ERBB4: variants seen among roughly 807,000 people sequenced by gnomAD.
ERBB4 encodes the protein receptor tyrosine-protein kinase erbB-4.
A neutral mutation model predicts 158.0 loss-of-function variants in ERBB4; 42 were observed. The observed-to-expected ratio is 0.27, with a 90% CI of 0.21 to 0.34. The LOEUF is 0.34. Ranked by LOEUF, ERBB4 falls within the 10% of genes least tolerant of loss-of-function variation. The pLI is 1.00. For missense variants in ERBB4, 1,333 were observed against 1,624.1 expected, an observed-to-expected ratio of 0.82 and a Z score of 3.08; for synonymous variants, 583 against 558.7, an observed-to-expected ratio of 1.04 and a Z score of -0.61.
At chr2:211,739,489 G>A (rs1054834405) in intron 5 of ERBB4, among the ~76,000 whole-genome samples, 1 of 152,108 alleles carries the variant, frequency 6.6e-6, no homozygotes. Context: ...TTTTGAGACA[G>A]AGTCTCGCTC....
chr2:212,537,020 T>C (rs1309005763), intron 1 of ERBB4, among the ~76,000 whole-genome samples: 1 of 152,020 alleles, frequency 6.6e-6, no homozygotes, highest in African/African-American at 2.4e-5. Context: ...GCGTGAAGAA[T>C]TTCGGAGTAA....
chr2:212,344,452 T>C (rs2088876995), intron 1 of ERBB4, among the ~76,000 whole-genome samples: 1 of 149,272 alleles, frequency 6.7e-6, no homozygotes, highest in South Asian at 2.2e-4. Flanking sequence ...CAAAGATAGC[T>C]ACCATATATA....
chr2:211,600,883 GA>G (rs1178006969), intron 19 of ERBB4, among the ~76,000 whole-genome samples: 1 of 152,032 alleles, frequency 6.6e-6, no homozygotes, highest in African/African-American at 2.4e-5. Flanking sequence ...TTTCTCTCTG[GA>G]AAGAGAGAAA....
intron 1 of ERBB4, among the ~76,000 whole-genome samples, chr2:212,162,981 C>A (rs2081246493): frequency 6.6e-6 from 1 of 151,906 alleles, no homozygotes; most frequent in African/African-American, 2.4e-5. Context: ...CATTTGAGAA[C>A]AGGAATGCCA....
At chr2:212,424,627 A>C (rs1240657806) in intron 1 of ERBB4, among the ~76,000 whole-genome samples, 1 of 152,152 alleles carries the variant, frequency 6.6e-6, no homozygotes, top group Non-Finnish European at 1.5e-5. Context: ...TTACTGGAGC[A>C]ATGAATTGAC....
intron 20 of ERBB4, among the ~76,000 whole-genome samples, chr2:211,496,404 A>C (rs966735485): frequency 1.3e-5 from 2 of 152,048 alleles, no homozygotes; most frequent in Non-Finnish European, 2.9e-5. Context: ...CTGCCAAATC[A>C]GGCTATGCAC....
In ERBB4 at chr2:211,913,619, A is replaced by ATGTGTGTGTGTGTG. The variant is rs34762084; in HGVS notation, c.421+33797_421+33810dup. Among the ~76,000 whole-genome samples, 102 of 132,806 alleles carry ATGTGTGTGTGTGTG rather than the reference A, an allele frequency of 7.7e-4. 1 individual carries two copies. The highest frequency in any genetic ancestry group is 2.8e-3 in the African/African-American group (96 of 34,768). 87.1% of individuals were successfully genotyped at this position (132,806 alleles called of 152,430 possible). A position where few individuals can be genotyped will look rare whatever the true frequency, so the allele number is the denominator to read the frequency against. ...CTATTTCAAAAAAATATATATATAT[A>ATGTGTGTGTGTGTG]TGTGTGTGTGTGTGTGTGTGTGTGT... On this transcript the variant is annotated intron_variant, in intron 3 of 27. Transcript: ENST00000342788.
chr2:211,662,310 T>C (rs1006152911), intron 15 of ERBB4, among the ~76,000 whole-genome samples: 1 of 152,050 alleles, frequency 6.6e-6, no homozygotes. Flanking sequence ...CACAATTTAA[T>C]TACATTGGTT....
chr2:212,000,185 TATTC>T (rs1445312567), intron 2 of ERBB4, among the ~76,000 whole-genome samples: 1 of 151,832 alleles, frequency 6.6e-6, no homozygotes, highest in African/African-American at 2.4e-5. Context: ...ATTATTTTGA[TATTC>T]ATCAATATTG....
chr2:211,705,386 G>C lies in ERBB4; in HGVS notation c.1130C>G (p.Pro377Arg), dbSNP rs750910473. The C allele has an allele frequency of 8.7e-6, 14 of 1,608,428 alleles. No individual in the cohort carries two copies. The highest frequency in any genetic ancestry group is 1.2e-5 in the Non-Finnish European group (14 of 1,174,942). ...GTCTATGGCTTCAATTGCATTGTAAGGGTCCCTAGAAAATCAAGAAGAGAT... is the reference window on the plus strand; with the variant it reads ...GTCTATGGCTTCAATTGCATTGTAACGGTCCCTAGAAAATCAAGAAGAGAT... The part of the protein sequence containing the change: ...IFLVTGIHGD[P>R]YNAIEAIDPE... Residue 377 changes from proline to arginine, a missense_variant, in exon 10 of 28, where the codon CCT becomes CGT. Around this residue, in one of 5 missense-constraint regions of ERBB4, gnomAD observed 438 missense variants for 586.9 expected, o/e 0.75. Transcript: ENST00000342788.
chr2:211,636,807 ATGAAATC>A (rs1171772268), intron 16 of ERBB4, among the ~76,000 whole-genome samples: 3 of 151,982 alleles, frequency 2.0e-5, no homozygotes, highest in African/African-American at 7.2e-5. Context: ...GAATAATTCT[ATGAAATC>A]TGACATCTTC....
intron 3 of ERBB4, among the ~76,000 whole-genome samples, chr2:211,798,871 A>G (rs1203866356): frequency 4.6e-5 from 7 of 152,182 alleles, no homozygotes. Flanking sequence ...AAGATCATAA[A>G]TTCTATAACT....
chr2:212,471,972 ATACT>A, intron 1 of ERBB4, among the ~76,000 whole-genome samples: 1 of 151,848 alleles, frequency 6.6e-6, no homozygotes, highest in African/African-American at 2.4e-5. Flanking sequence ...AAACTCTCTC[ATACT>A]TAAGTAAGTA....
chr2:212,213,309 A>G (rs2082996210), intron 1 of ERBB4, among the ~76,000 whole-genome samples: 1 of 152,136 alleles, frequency 6.6e-6, no homozygotes, highest in African/African-American at 2.4e-5. Context: ...AACGTATGAA[A>G]GAAAGCTCAA....
chr2:211,843,414 T>TGC (rs1218230491), intron 3 of ERBB4, among the ~76,000 whole-genome samples: 14 of 114,594 alleles, frequency 1.2e-4, no homozygotes, highest in East Asian at 3.5e-4. Context: ...TGCGTGCGTG[T>TGC]GCACACACAC....
At chr2:211,605,854 C>T (rs1374820932) in intron 19 of ERBB4, among the ~76,000 whole-genome samples, 3 of 152,054 alleles carry the variant, frequency 2.0e-5, no homozygotes, top group Non-Finnish European at 4.4e-5. Flanking sequence ...AAACCAGATT[C>T]GCTGGGCTCC....
chr2:212,056,365 T>C lies in ERBB4; in HGVS notation c.234+68387A>G, dbSNP rs183764095. ...TTGGAAAACACTCTGCAGGGTATTA[T>C]CCAGGAGAACTTCCCCAACCTAGCA... On this transcript the variant is annotated intron_variant, in intron 2 of 27. Coordinates refer to ENST00000342788, the MANE Select transcript of ERBB4 (RefSeq NM_005235.3). Among the ~76,000 whole-genome samples, 547 of 152,262 alleles carry C rather than the reference T, an allele frequency of 3.6e-3. 2 individuals carry two copies. The highest frequency in any genetic ancestry group is 0.013 in the African/African-American group (520 of 41,546).
At chr2:211,772,369 C>T (rs542754242) in intron 4 of ERBB4, among the ~76,000 whole-genome samples, 2 of 152,084 alleles carry the variant, frequency 1.3e-5, no homozygotes, top group African/African-American at 2.4e-5. Context: ...AAGGGATCCA[C>T]ACCATATTCT....
intron 15 of ERBB4, among the ~76,000 whole-genome samples, chr2:211,659,814 G>A (rs1237628593): frequency 6.6e-6 from 1 of 152,116 alleles, no homozygotes; most frequent in Non-Finnish European, 1.5e-5. Flanking sequence ...ATTTAATGAA[G>A]GAGACAGATG....
Sources: gnomAD v4.1 joint callset for allele counts (sites outside exome capture counted in the v4.1 genomes callset) on GRCh38, gnomAD v4.1.1 for gene constraint, gnomAD v4.1.1 regional missense constraint, MANE v1.5 for transcripts, NCBI Gene and HGNC (gene_info 2026-07-23, HGNC 2026-07-21) for gene names.